CLIP2: variants seen among roughly 807,000 people sequenced by gnomAD.
CLIP2 encodes CAP-Gly domain containing linker protein 2.
Under a neutral mutation model 111.7 loss-of-function variants are expected in CLIP2, and 41 were observed. The observed-to-expected ratio is 0.37, with a 90% CI of 0.29 to 0.48. The LOEUF (loss-of-function observed/expected upper bound fraction) is 0.48, where lower values mean the gene tolerates loss of function less well. Among genes scored for constraint, CLIP2 ranks in the 20% least tolerant of loss-of-function variants. The pLI is 0.99. For synonymous variants in CLIP2, 660 were observed against 644.2 expected, an observed-to-expected ratio of 1.02 and a Z score of -0.37; for missense variants, 1,160 against 1,422.1, an observed-to-expected ratio of 0.82 and a Z score of 2.96.
chr7:74,332,851 T>C (rs543799926), intron 2 of CLIP2, among the ~76,000 whole-genome samples: 1 of 152,326 alleles, frequency 6.6e-6, no homozygotes, highest in East Asian at 1.9e-4. Context: ...CGTTTGGCCA[T>C]GCCTCTTGTC....
In CLIP2 at chr7:74,353,821, T is replaced by C. The variant is rs1282058611; in HGVS notation, c.679-59T>C. The C allele has an allele frequency of 2.5e-6, 4 of 1,611,674 alleles. No homozygotes were observed. In the African/African-American group the frequency reaches 4.0e-5, roughly 16 times the overall value. On this transcript the variant is annotated intron_variant, in intron 3 of 16. Transcript: ENST00000223398. ...GGGATAAGCCTGGGCTGGGTGCCCC[T>C]GCCATCTCTGCCTGTGCCACTGCAT...
intron 7 of CLIP2, among the ~76,000 whole-genome samples, chr7:74,360,695 C>T (rs534761112): frequency 3.3e-5 from 5 of 152,172 alleles, no homozygotes; most frequent in South Asian, 2.1e-4. Flanking sequence ...GGACCACAGG[C>T]GTCCCCCACC....
chr7:74,298,320 G>A (rs1554726339), intron 1 of CLIP2, among the ~76,000 whole-genome samples: 1 of 151,504 alleles, frequency 6.6e-6, no homozygotes, highest in African/African-American at 2.4e-5. Flanking sequence ...CCAGTAGCTG[G>A]GATTACAGGT....
At position 74,386,584 on chromosome 7, in the gene CLIP2, T is replaced by C. The variant is rs782427351; in HGVS notation, c.2543T>C (p.Met848Thr). The C allele has an allele frequency of 3.1e-6, 5 of 1,609,540 alleles. No individual in the cohort carries two copies. The East Asian group carries it at 1.1e-4, about 36-fold the overall frequency. The stretch of plus-strand genomic sequence containing the variant: ...ACAGCCTTGACCTCCCAGACCGAGA[T>C]GCTCAGGGCCCAAGTAAGTGGTAAG... ...EVTALTSQTE[M>T]LRAQVSALES... The change falls in exon 12 of 17, where the codon ATG (methionine) becomes ACG (threonine). Residue 848 changes from methionine to threonine, a missense_variant. Coordinates refer to ENST00000223398, the MANE Select transcript of CLIP2 (RefSeq NM_003388.5).
At chr7:74,377,001 A>AG (rs1790812009) in intron 10 of CLIP2, among the ~76,000 whole-genome samples, 179 bp downstream of exon 10, 1 of 152,030 alleles carries the variant, frequency 6.6e-6, no homozygotes, top group Admixed American at 6.6e-5. Flanking sequence ...CCTCTGTTAG[A>AG]GGGGCAGTGC....
chr7:74,373,222 G>A (rs1790686549), intron 9 of CLIP2, among the ~76,000 whole-genome samples, 186 bp downstream of exon 9: 1 of 152,164 alleles, frequency 6.6e-6, no homozygotes, highest in South Asian at 2.1e-4. Context: ...ATGTGGCCGG[G>A]TGCGGTGGCT....
At position 74,375,986 on chromosome 7, in the gene CLIP2, T is replaced by G. The variant is rs1554312709; in HGVS notation, c.1585T>G (p.Ser529Ala). 6.2e-7 allele frequency: 1 copy of G among 1,611,192 alleles called. No homozygotes were observed. Among genetic ancestry groups the G allele is most frequent in the South Asian group, 1.1e-5 (1 of 90,744 alleles). Residue 529 changes from serine to alanine, a missense_variant, in exon 10 of 17, where the codon TCG becomes GCG. Physicochemically the swap from Ser to Ala is moderately conservative, Grantham distance 99 (BLOSUM62 1). This residue lies in a region of CLIP2 where 676 missense variants were observed against 777.8 expected (regional missense o/e 0.87). Coordinates refer to ENST00000223398, the MANE Select transcript of CLIP2 (RefSeq NM_003388.5). ...GGAGCTCCAGCAGTGCCTGTTGCACTCGGGTCCCCCACCTCCGGACCACCC... is the reference window on the plus strand; with the variant it reads ...GGAGCTCCAGCAGTGCCTGTTGCACGCGGGTCCCCCACCTCCGGACCACCC... ...IEELQQCLLH[S>A]GPPPPDHPDA...
rs375115871 is a variant in CLIP2 at position 74,317,529 on chromosome 7, C to T, written c.-18C>T. ...GTGACCAGCACTCACCCTTGTCCACCTGCCCAGTGGCACCGCCATGCAGAA... is the reference window on the plus strand; with the variant it reads ...GTGACCAGCACTCACCCTTGTCCACTTGCCCAGTGGCACCGCCATGCAGAA... On this transcript the variant is annotated 5_prime_UTR_variant, in exon 2 of 17. Transcript: ENST00000223398. The T allele has an allele frequency of 7.8e-6, 11 of 1,413,580 alleles. No homozygotes were observed. The highest frequency in any genetic ancestry group is 1.5e-5 in the African/African-American group (1 of 67,808). The allele number at this position is 1,413,580 out of a possible 1,614,324, so 87.6% of individuals were successfully genotyped here.
chr7:74,299,324 AAAATAAATAAATAAATAAAT>A (rs56395750), intron 1 of CLIP2, among the ~76,000 whole-genome samples: 7 of 147,342 alleles, frequency 4.8e-5, no homozygotes, highest in East Asian at 2.0e-4. Context: ...GACCCTGTCT[AAAATAAATAAATAAATAAAT>A]AAATAAATAA....
intron 2 of CLIP2, among the ~76,000 whole-genome samples, chr7:74,323,463 C>T (rs1406210993): frequency 1.4e-5 from 2 of 143,904 alleles, no homozygotes; most frequent in Admixed American, 7.0e-5. Flanking sequence ...AGTTTTACTC[C>T]ATCGCCCAGG....
At position 74,317,633 on chromosome 7, in the gene CLIP2, A is replaced by G. The variant is rs1280358661; in HGVS notation, c.87A>G (p.Ser29=). ...GCCGGACATCTACTGGGTCAGCTTC[A>G]TCCTCGGCGGCGGTGGCCGCTAGCT... The part of the protein sequence containing the change: ...PMGRTSTGSA[S]SSAAVAASSK... Residue 29 remains serine (S), a synonymous_variant, in exon 2 of 17, where the codon TCA becomes TCG. Transcript: ENST00000223398. 6.6e-7 allele frequency: 1 copy of G among 1,523,582 alleles called. No individual in the cohort carries two copies. The highest frequency in any genetic ancestry group is 1.4e-5 in the African/African-American group (1 of 71,114). 94.4% of individuals were successfully genotyped at this position (1,523,582 alleles called of 1,614,324 possible). A position where few individuals can be genotyped will look rare whatever the true frequency, so the allele number is the denominator to read the frequency against.
chr7:74,367,188 A>T (rs1239920161), intron 8 of CLIP2, among the ~76,000 whole-genome samples: 2 of 151,930 alleles, frequency 1.3e-5, no homozygotes, highest in African/African-American at 4.8e-5. Flanking sequence ...TATTTTGTTT[A>T]AAAAAAATTT....
chr7:74,295,161 C>T lies in CLIP2; in HGVS notation c.-68+5427C>T, dbSNP rs557463854. 1.6e-4 allele frequency among the ~76,000 whole-genome samples: 25 copies of T among 152,170 alleles called. No individual in the cohort carries two copies. The South Asian group carries it at 3.3e-3, about 20-fold the overall frequency. ...TATTTTTTTGTAGACAGGGTTTCAC[C>T]GTGTTGCCCAGGGTGGTCTCAAACC... is the stretch of plus-strand genomic sequence containing the variant. On this transcript the variant is annotated intron_variant, in intron 1 of 16. Transcript: ENST00000223398.
chr7:74,365,043 GT>G, intron 8 of CLIP2, among the ~76,000 whole-genome samples: 1 of 131,992 alleles, frequency 7.6e-6, no homozygotes, highest in East Asian at 2.5e-4. Flanking sequence ...GTGTGTGTGT[GT>G]GTGTGTGACT....
chr7:74,393,026 AG>A (rs1390981092), intron 13 of CLIP2, among the ~76,000 whole-genome samples: 1 of 146,808 alleles, frequency 6.8e-6, no homozygotes, highest in Non-Finnish European at 1.5e-5. Flanking sequence ...AGCCCCTGTA[AG>A]CATTTGCTTT....
At chr7:74,331,242 T>G (rs490091) in intron 2 of CLIP2, among the ~76,000 whole-genome samples, 11 of 137,680 alleles carry the variant, frequency 8.0e-5, no homozygotes, top group East Asian at 2.2e-4. Flanking sequence ...AAAATTCAGG[T>G]GAGCCTCTGA....
At chr7:74,302,938 G>A (rs1023476415) in intron 1 of CLIP2, among the ~76,000 whole-genome samples, 4 of 152,168 alleles carry the variant, frequency 2.6e-5, no homozygotes, top group Admixed American at 6.5e-5. Flanking sequence ...GGGCTCCCTC[G>A]TACCTCTACT....
intron 8 of CLIP2, chr7:74,364,819 CAAGACCAGCCTGGGCAACGTAGCAAG>C (rs1554310476): frequency 2.2e-6 from 1 of 452,916 alleles, no homozygotes; most frequent in South Asian, 1.6e-5. Flanking sequence ...CCCAGAAGTT[CAAGACCAGCCTGGGCAACGTAGCAAG>C]ATCCCATCTC....
intron 14 of CLIP2, 53 bp downstream of exon 14, chr7:74,397,286 G>A: frequency 6.4e-7 from 1 of 1,574,744 alleles, no homozygotes; most frequent in Non-Finnish European, 8.7e-7. Flanking sequence ...GGGTGGGGCT[G>A]GGCTAGCCTT....
Sources: allele counts gnomAD v4.1 joint callset (sites outside exome capture counted in the v4.1 genomes callset), GRCh38; gene constraint gnomAD v4.1.1; regional missense constraint gnomAD v4.1.1; transcripts MANE v1.5; gene names NCBI Gene and HGNC (gene_info 2026-07-23, HGNC 2026-07-21).